Variants in ADGRF5 observed in about 807,000 individuals in gnomAD.
ADGRF5 encodes the protein adhesion G protein-coupled receptor F5, also known as G-protein coupled receptor 116.
In ADGRF5, 75 loss-of-function variants were observed where a neutral mutation model predicts 132.3. That is an observed-to-expected ratio of 0.57 (90% CI 0.47 to 0.69). ADGRF5 has a LOEUF of 0.69. ADGRF5 is among the 30% of genes least tolerant of loss of function. The probability of loss-of-function intolerance (pLI) is 0.00; values close to 1 mark genes in which losing one functional copy is unlikely to be tolerated. For synonymous variants in ADGRF5, 629 were observed against 597.6 expected (o/e 1.05, Z -0.77); for missense variants, 1,516 against 1,630.6 (o/e 0.93, Z 1.21).
rs140438880 is a variant in ADGRF5, at chr6:46,914,323, G to A, written c.-25+7390C>T. The stretch of plus-strand genomic sequence containing the variant: ...AATCTGTATTTTCAGCTGCAGAGGT[G>A]GTAAGACTTATCTTTGCTGACCTTA... On this transcript the variant is annotated intron_variant, in intron 1 of 20. Transcript: ENST00000283296. Among the ~76,000 whole-genome samples, 894 of 152,246 alleles carry A rather than the reference G, an allele frequency of 5.9e-3. 7 individuals are homozygous for A. Among genetic ancestry groups the A allele is most frequent in the African/African-American group, 0.02 (834 of 41,542 alleles).
rs559772699 is a variant in ADGRF5 at position 46,856,838 on chromosome 6, T to C, written c.3816+29A>G. 14 of 1,607,944 alleles carry C rather than the reference T, an allele frequency of 8.7e-6. No homozygotes were observed. The East Asian group carries it at 2.5e-4, about 28-fold the overall frequency. ...ATGCCACAAGCACTTCAGACTTTTCTAGAAACATGAAACTGTCATTGCTCT... is the reference window on the plus strand; with the variant it reads ...ATGCCACAAGCACTTCAGACTTTTCCAGAAACATGAAACTGTCATTGCTCT... On this transcript the variant is annotated intron_variant, in intron 18 of 20. Coordinates refer to ENST00000283296, the MANE Select transcript of ADGRF5 (RefSeq NM_001098518.2).
In ADGRF5 at chr6:46,931,753, G is replaced by A. The variant is rs900751182; in HGVS notation, c.-25+22981C>T. Among the ~76,000 whole-genome samples, 7 of 152,202 alleles carry A rather than the reference G, an allele frequency of 4.6e-5. No individual in the cohort carries two copies. The South Asian group carries it at 1.2e-3, about 27-fold the overall frequency. ...TATTTTTGGGCATATGAAGACTGAGGGTTTGCATCTCACTGACTGTCACTA... is the reference window on the plus strand; with the variant it reads ...TATTTTTGGGCATATGAAGACTGAGAGTTTGCATCTCACTGACTGTCACTA... On this transcript the variant is annotated intron_variant, in intron 1 of 20. Transcript: ENST00000265417.
At position 46,886,739 on chromosome 6, in the gene ADGRF5, G is replaced by A. The variant is rs1162575293; in HGVS notation, c.328+1596C>T. The A allele has an allele frequency of 3.9e-5, 6 of 152,298 alleles. No homozygotes were observed. In the East Asian group the frequency reaches 1.2e-3, roughly 29 times the overall value. 9.4% of individuals were successfully genotyped at this position (152,298 alleles called of 1,614,324 possible). A position where few individuals can be genotyped will look rare whatever the true frequency, so the allele number is the denominator to read the frequency against. On this transcript the variant is annotated intron_variant, in intron 4 of 20. Coordinates refer to ENST00000283296, the MANE Select transcript of ADGRF5 (RefSeq NM_001098518.2). Reference sequence around the variant, plus strand: ...TGGATGCTTAGACATTAGTGCCATGGTCAGTAGGCCTAACCTTCATTGCCC... The same window carrying A: ...TGGATGCTTAGACATTAGTGCCATGATCAGTAGGCCTAACCTTCATTGCCC...
intron 1 of ADGRF5, among the ~76,000 whole-genome samples, chr6:46,945,669 G>A (rs995374724): frequency 3.3e-5 from 5 of 152,204 alleles, no homozygotes; most frequent in Non-Finnish European, 7.3e-5. Context: ...GAAGTAATTT[G>A]GTGACATTTA....
At chr6:46,879,112 A>G (rs1220528967) in intron 9 of ADGRF5, among the ~76,000 whole-genome samples, 8 of 152,058 alleles carry the variant, frequency 5.3e-5, no homozygotes, top group Admixed American at 1.3e-4. Flanking sequence ...TTATATATCA[A>G]TTCCTTCCTC....
intron 1 of ADGRF5, among the ~76,000 whole-genome samples, chr6:46,943,447 T>C (rs1280197497): frequency 6.6e-6 from 1 of 152,200 alleles, no homozygotes; most frequent in East Asian, 1.9e-4. Flanking sequence ...CTGGGAAACT[T>C]ATGGATGATT....
intron 1 of ADGRF5, among the ~76,000 whole-genome samples, chr6:46,914,042 G>A (rs763169846): frequency 1.3e-5 from 2 of 152,136 alleles, no homozygotes; most frequent in Non-Finnish European, 2.9e-5. Flanking sequence ...GAGACTAAAT[G>A]AGCCTGAAAA....
At chr6:46,909,202 G>T (rs1488514973) in intron 1 of ADGRF5, 1 of 152,084 alleles carries the variant, frequency 6.6e-6, no homozygotes, top group Non-Finnish European at 1.5e-5. Context: ...TTCAGTAGGG[G>T]CCCTTTAATG....
intron 1 of ADGRF5, among the ~76,000 whole-genome samples, chr6:46,927,300 G>A (rs941703176): frequency 6.6e-6 from 1 of 151,466 alleles, no homozygotes; most frequent in African/African-American, 2.4e-5. Context: ...AAAGGGCGGC[G>A]GGGGTGGGTG....
chr6:46,902,115 G>C (rs1454172793), intron 2 of ADGRF5, among the ~76,000 whole-genome samples: 1 of 152,222 alleles, frequency 6.6e-6, no homozygotes, highest in Admixed American at 6.5e-5. Context: ...AGATGTACTT[G>C]AATATGCAGG....
chr6:46,933,060 C>G (rs1312664074), intron 1 of ADGRF5, among the ~76,000 whole-genome samples: 1 of 152,056 alleles, frequency 6.6e-6, no homozygotes, highest in Admixed American at 6.6e-5. Flanking sequence ...GAATGGAAAA[C>G]GAAGCATATA....
chr6:46,857,567 G>T (rs890042242), intron 17 of ADGRF5, among the ~76,000 whole-genome samples: 2 of 152,174 alleles, frequency 1.3e-5, no homozygotes, highest in Non-Finnish European at 2.9e-5. Context: ...AGTTAGTTAT[G>T]TGCTGCAGGA....
At chr6:46,925,270 A>T (rs146790098), upstream of ADGRF5, among the ~76,000 whole-genome samples, 6 of 151,924 alleles carry the variant, frequency 3.9e-5, no homozygotes, top group African/African-American at 1.2e-4. Flanking sequence ...TTTCCTCAAG[A>T]CTCACTCCAT....
chr6:46,929,198 T>C (rs1777414120), intron 1 of ADGRF5, among the ~76,000 whole-genome samples: 2 of 152,094 alleles, frequency 1.3e-5, no homozygotes, highest in South Asian at 2.1e-4. Flanking sequence ...TGTAGGGACA[T>C]GGATGAAGCT....
Position 46,858,340 on chromosome 6 carries a change from G to T in ADGRF5, c.3563C>A (p.Thr1188Asn). Residue 1188 changes from threonine to asparagine, a missense_variant, in exon 17 of 21, where the codon ACC becomes AAC. Around this residue, in one of 2 missense-constraint regions of ADGRF5, gnomAD observed 571 missense variants for 701.2 expected, o/e 0.81. Coordinates refer to ENST00000283296, the MANE Select transcript of ADGRF5 (RefSeq NM_001098518.2). ...CTTGGTGATGACCACAATAGTGATG[G>T]TTATGTTCACCACCACAATGATCAG... Reference protein sequence around the residue: ...PALIIVVVNITITIVVITKIL... With the variant: ...PALIIVVVNINITIVVITKIL... The T allele has an allele frequency of 1.9e-6, 3 of 1,613,888 alleles. No individual in the cohort carries two copies. In the East Asian group the frequency reaches 6.7e-5, roughly 36 times the overall value.
At position 46,878,201 on chromosome 6, in the gene ADGRF5, C is replaced by T; in HGVS notation, c.1240+1G>A. ...CAAAAGGGCTTATCTAACATTCTCA[C>T]CTGGAATATTTATTTTTCCTTCCTG... On this transcript the variant is annotated splice_donor_variant, in intron 10 of 20. Coordinates refer to ENST00000283296, the MANE Select transcript of ADGRF5 (RefSeq NM_001098518.2). LOFTEE classifies it high-confidence loss of function. The T allele has an allele frequency of 6.2e-7, 1 of 1,600,880 alleles. No homozygotes were observed. Among genetic ancestry groups the T allele is most frequent in the Non-Finnish European group, 8.6e-7 (1 of 1,168,048 alleles).
At chr6:46,935,748 G>C (rs1290298859) in intron 1 of ADGRF5, among the ~76,000 whole-genome samples, 2 of 152,182 alleles carry the variant, frequency 1.3e-5, no homozygotes, top group African/African-American at 4.8e-5. Flanking sequence ...CCCAGAGGAA[G>C]GAAGGGCTGC....
intron 1 of ADGRF5, among the ~76,000 whole-genome samples, chr6:46,919,656 T>C (rs561328978): frequency 3.9e-4 from 60 of 152,308 alleles, no homozygotes; most frequent in African/African-American, 1.3e-3. Flanking sequence ...AGGTCTCTCA[T>C]GTGGCTAACA....
intron 2 of ADGRF5, among the ~76,000 whole-genome samples, chr6:46,901,593 C>T (rs187687652): frequency 1.5e-3 from 224 of 152,308 alleles, no homozygotes; most frequent in Admixed American, 3.1e-3. Flanking sequence ...TAAGAAAGCA[C>T]AGGCAGAGAG....
Sources: allele counts gnomAD v4.1 joint callset (sites outside exome capture counted in the v4.1 genomes callset), GRCh38; gene constraint gnomAD v4.1.1; regional missense constraint gnomAD v4.1.1; transcripts MANE v1.5; gene names NCBI Gene and HGNC (gene_info 2026-07-23, HGNC 2026-07-21).